LDHC: variants seen among roughly 807,000 people sequenced by gnomAD.
The protein encoded by LDHC is lactate dehydrogenase C.
LDHC carries 20 observed loss-of-function variants against 30.2 expected under a neutral mutation model. The observed-to-expected ratio is 0.66, with a 90% confidence interval of 0.47 to 0.96. The LOEUF (loss-of-function observed/expected upper bound fraction) is 0.96, where lower values mean the gene tolerates loss of function less well. Ranked by LOEUF, LDHC falls within the 40% of genes least tolerant of loss-of-function variation. LDHC has a pLI of 0.00. For synonymous variants in LDHC, 139 were observed against 132.7 expected (o/e 1.05, Z -0.32); for missense variants, 362 against 394.9 (o/e 0.92, Z 0.71).
intron 1 of LDHC, 101 bp from the exon 2 acceptor site, chr11:18,412,608 G>T: frequency 1.8e-6 from 2 of 1,084,554 alleles, no homozygotes; most frequent in Non-Finnish European, 2.7e-6. Context: ...TTCTTTCTTT[G>T]GCTTCCCCCC....
At chr11:18,445,892 A>G (rs1848545000) in intron 6 of LDHC, among the ~76,000 whole-genome samples, 1 of 152,162 alleles carries the variant, frequency 6.6e-6, no homozygotes, top group South Asian at 2.1e-4. Context: ...GGAGGATCGC[A>G]TAAGCCCAGG....
chr11:18,440,723 G>C (rs1345605422), intron 6 of LDHC, among the ~76,000 whole-genome samples: 1 of 152,004 alleles, frequency 6.6e-6, no homozygotes, highest in African/African-American at 2.4e-5. Context: ...GAGGCCAGGA[G>C]TTTCAGATCA....
chr11:18,421,168 C>G (rs962186546), intron 3 of LDHC, among the ~76,000 whole-genome samples: 20 of 152,214 alleles, frequency 1.3e-4, no homozygotes, highest in African/African-American at 4.8e-4. Context: ...ATTCTCCTGC[C>G]TCAGCCTCTC....
intron 3 of LDHC, among the ~76,000 whole-genome samples, chr11:18,417,164 G>A (rs943127398): frequency 5.3e-5 from 8 of 152,086 alleles, no homozygotes; most frequent in African/African-American, 1.4e-4. Context: ...GATTACAGGC[G>A]TGAGCCACCG....
At chr11:18,441,076 C>T (rs1294430270) in intron 6 of LDHC, among the ~76,000 whole-genome samples, 4 of 151,662 alleles carry the variant, frequency 2.6e-5, no homozygotes, top group Admixed American at 2.0e-4. Context: ...CAATGAACAA[C>T]GATAGTCCAC....
rs767223263 is a variant in LDHC at position 18,446,243 on chromosome 11, C to T, written c.744C>T (p.Thr248=). ...AYEIIKLKGY[T]SWAIGLSVMD... Reference sequence around the variant, plus strand: ...AAATTATCAAGCTGAAGGGGTATACCTCTTGGGCTATTGGACTGTCTGTGA... The same window carrying T: ...AAATTATCAAGCTGAAGGGGTATACTTCTTGGGCTATTGGACTGTCTGTGA... Residue 248 remains threonine (T), a synonymous_variant, in exon 7 of 8, where the codon ACC becomes ACT. Transcript: ENST00000541669. The T allele has an allele frequency of 1.2e-6, 2 of 1,601,816 alleles. No individual in the cohort carries two copies. The highest frequency in any genetic ancestry group is 1.1e-5 in the South Asian group (1 of 90,830).
At chr11:18,413,565 C>A (rs183109443) in intron 2 of LDHC, among the ~76,000 whole-genome samples, 15 of 150,062 alleles carry the variant, frequency 1.0e-4, no homozygotes, top group African/African-American at 3.7e-4. Context: ...CGGGTTCAAG[C>A]AGTTCTCCTG....
At position 18,446,194 on chromosome 11, in the gene LDHC, CT is replaced by C. The variant is rs753708843; in HGVS notation, c.711-13del. The stretch of plus-strand genomic sequence containing the variant: ...ACTTATTATGAATTTGATTTTCTTA[CT>C]TTCTACAACTGTAGTGCCTATGAAA... On this transcript the variant is annotated splice_polypyrimidine_tract_variant and intron_variant, in intron 6 of 7. Transcript: ENST00000541669. The C allele has an allele frequency of 1.3e-6, 2 of 1,589,786 alleles. No homozygotes were observed. Among genetic ancestry groups the C allele is most frequent in the East Asian group, 2.2e-5 (1 of 44,630 alleles).
intron 6 of LDHC, among the ~76,000 whole-genome samples, chr11:18,441,328 T>G (rs553378721): frequency 3.1e-4 from 47 of 151,982 alleles, no homozygotes; most frequent in African/African-American, 1.1e-3. Context: ...TTTTCTTTTT[T>G]TTTTATTTGA....
At position 18,438,790 on chromosome 11, in the gene LDHC, A is replaced by G. The variant is rs1190902507; in HGVS notation, c.710+145A>G. On this transcript the variant is annotated intron_variant, in intron 6 of 7. Coordinates refer to ENST00000541669, the MANE Select transcript of LDHC (RefSeq NM_017448.5). ...AAAACCACTAAATTCAGACTTATAC[A>G]TAGCTTTCTTTTTGGGGGCATTTTT... 1.5e-5 allele frequency: 7 copies of G among 475,892 alleles called. No individual in the cohort carries two copies. The Admixed American group carries it at 1.8e-4, about 12-fold the overall frequency. The allele number at this position is 475,892 out of a possible 1,614,324, so 29.5% of individuals were successfully genotyped here.
At chr11:18,446,553 C>T (rs1333317041) in intron 7 of LDHC, among the ~76,000 whole-genome samples, 1 of 152,198 alleles carries the variant, frequency 6.6e-6, no homozygotes, top group African/African-American at 2.4e-5. Flanking sequence ...CAGTTTTGGA[C>T]ACAGTTTTGA....
intron 5 of LDHC, among the ~76,000 whole-genome samples, chr11:18,438,283 A>G (rs1446484464): frequency 6.6e-6 from 1 of 152,110 alleles, no homozygotes; most frequent in Non-Finnish European, 1.5e-5. Context: ...CAGATCTCAC[A>G]TGAACTTAGA....
chr11:18,421,274 C>T (rs1848045022), intron 3 of LDHC, among the ~76,000 whole-genome samples: 1 of 151,868 alleles, frequency 6.6e-6, no homozygotes, highest in Non-Finnish European at 1.5e-5. Flanking sequence ...AGGCTGGTCT[C>T]TAACTCCTGA....
intron 3 of LDHC, among the ~76,000 whole-genome samples, chr11:18,426,027 CA>C (rs35857834): frequency 0.15 from 17,070 of 110,730 alleles, 1,130 homozygotes; most frequent in East Asian, 0.46. Flanking sequence ...TGATTAGCCA[CA>C]ATTTTTTTTT....
intron 4 of LDHC, among the ~76,000 whole-genome samples, chr11:18,433,017 G>C (rs1200664653): frequency 6.6e-6 from 1 of 152,062 alleles, no homozygotes; most frequent in African/African-American, 2.4e-5. Flanking sequence ...GTGTACTTTG[G>C]GTTTTTGTTT....
intron 3 of LDHC, among the ~76,000 whole-genome samples, chr11:18,429,347 G>A (rs955346348): frequency 2.0e-5 from 3 of 151,938 alleles, no homozygotes; most frequent in African/African-American, 7.3e-5. Context: ...TCTTGACCTC[G>A]TGATCCGCCT....
At chr11:18,439,356 A>T (rs950653928) in intron 6 of LDHC, among the ~76,000 whole-genome samples, 2 of 152,106 alleles carry the variant, frequency 1.3e-5, no homozygotes, top group African/African-American at 2.4e-5. Flanking sequence ...TGAGGTCAGC[A>T]GTTCGAGACC....
chr11:18,412,656 T>C, intron 1 of LDHC, 53 bp from the exon 2 acceptor site: 3 of 1,523,222 alleles, frequency 2.0e-6, no homozygotes, highest in South Asian at 2.4e-5. Context: ...GAAGAGGTAG[T>C]TTCTTAGATG....
chr11:18,415,348 T>A, intron 3 of LDHC, 47 bp downstream of exon 3: 1 of 972,496 alleles, frequency 1.0e-6, no homozygotes, highest in Non-Finnish European at 1.6e-6. Flanking sequence ...TTTAAAAAAG[T>A]AATAAATTTT....
Sources: gnomAD v4.1 joint callset for allele counts (sites outside exome capture counted in the v4.1 genomes callset) on GRCh38, gnomAD v4.1.1 for gene constraint, MANE v1.5 for transcripts, NCBI Gene and HGNC (gene_info 2026-07-23, HGNC 2026-07-21) for gene names.